FREM3: variants seen among roughly 807,000 people sequenced by gnomAD.
The protein encoded by FREM3 is FRAS1-related extracellular matrix protein 3.
FREM3 carries 105 observed loss-of-function variants against 129.1 expected under a neutral mutation model. The observed-to-expected ratio is 0.81, with a 90% CI of 0.69 to 0.96. FREM3 has a LOEUF of 0.96. Among genes scored for constraint, FREM3 ranks in the 40% least tolerant of loss-of-function variants. The pLI, the probability that FREM3 is intolerant of heterozygous loss-of-function variation, is 0.00. For missense variants in FREM3, 2,593 were observed against 2,666.3 expected, an observed-to-expected ratio of 0.97 and a Z score of 0.61; for synonymous variants, 1,014 against 1,044.9, an observed-to-expected ratio of 0.97 and a Z score of 0.57.
At chr4:143,608,420 G>T (rs971142127) in intron 6 of FREM3, among the ~76,000 whole-genome samples, 3 of 152,144 alleles carry the variant, frequency 2.0e-5, no homozygotes, top group Non-Finnish European at 4.4e-5. Flanking sequence ...TAAATTGCTT[G>T]TTTAGATCTA....
In FREM3 at chr4:143,700,612, G is replaced by A. The variant is rs1346567873; in HGVS notation, c.64C>T (p.Leu22=). 6 of 1,457,282 alleles carry A rather than the reference G, an allele frequency of 4.1e-6. No homozygotes were observed. In the African/African-American group the frequency reaches 8.6e-5, roughly 21 times the overall value. 90.3% of individuals were successfully genotyped at this position (1,457,282 alleles called of 1,614,324 possible). A position where few individuals can be genotyped will look rare whatever the true frequency, so the allele number is the denominator to read the frequency against. The stretch of plus-strand genomic sequence containing the variant: ...TGCAGCGCGGGGCGACTCAAGAGCA[G>A]GCAGGCGAGCGCCACAAGGAGCTGC... ...PRQLLVALAC[L]LLSRPALQGR... The change falls in exon 1 of 8, where the codon CTG becomes TTG. Residue 22 remains leucine, a synonymous_variant. Transcript: ENST00000329798.
At chr4:143,690,759 A>G (rs1740451004) in intron 2 of FREM3, among the ~76,000 whole-genome samples, 1 of 152,214 alleles carries the variant, frequency 6.6e-6, no homozygotes, top group Admixed American at 6.5e-5. Flanking sequence ...ACAGATAAAA[A>G]AATGTTTAAA....
In FREM3 at chr4:143,696,039, G is replaced by A; in HGVS notation, c.4637C>T (p.Thr1546Ile). The A allele has an allele frequency of 6.5e-7, 1 of 1,537,840 alleles. No individual in the cohort carries two copies. Among genetic ancestry groups the A allele is most frequent in the Non-Finnish European group, 8.7e-7 (1 of 1,147,034 alleles). The change falls in exon 1 of 8, where the codon ACA becomes ATA. Residue 1546 changes from threonine to isoleucine, a missense_variant. Thr to Ile is a moderately conservative substitution (Grantham distance 89). Around this residue, in one of 2 missense-constraint regions of FREM3, gnomAD observed 2,276 missense variants for 2,267.2 expected, o/e 1.00. Coordinates refer to ENST00000329798, the MANE Select transcript of FREM3 (RefSeq NM_001168235.2). ...CAGTTGGCTATCCTCTTTCTGTAGTGTTAGTCTATGGATGGTCAAGATAGG... is the reference window on the plus strand; with the variant it reads ...CAGTTGGCTATCCTCTTTCTGTAGTATTAGTCTATGGATGGTCAAGATAGG... ...KKPILTIHRLTLQKEDSQLIT... is the reference protein window; with the variant it reads ...KKPILTIHRLILQKEDSQLIT...
rs1483680345 is a variant in FREM3, at chr4:143,653,827, A to C, written c.5276-26067T>G. Among the ~76,000 whole-genome samples the C allele has an allele frequency of 2.0e-5, 3 of 152,220 alleles. No individual in the cohort carries two copies. In the East Asian group the frequency reaches 5.8e-4, roughly 29 times the overall value. ...TGGGCCCAGATTTGTATTTTCAAAAAACTTCCCAGGTAATGTAATTATACA... is the reference window on the plus strand; with the variant it reads ...TGGGCCCAGATTTGTATTTTCAAAACACTTCCCAGGTAATGTAATTATACA... On this transcript the variant is annotated intron_variant, in intron 2 of 7. Transcript: ENST00000329798.
At chr4:143,694,528 T>A (rs943569628) in intron 1 of FREM3, among the ~76,000 whole-genome samples, 1 of 152,228 alleles carries the variant, frequency 6.6e-6, no homozygotes, top group Non-Finnish European at 1.5e-5. Context: ...CTTTCAGGGG[T>A]GTTTGTTTAT....
At chr4:143,661,787 G>A (rs888644436) in intron 2 of FREM3, among the ~76,000 whole-genome samples, 3 of 152,126 alleles carry the variant, frequency 2.0e-5, no homozygotes, top group African/African-American at 7.2e-5. Context: ...GGTCTATTTA[G>A]AGATTCAACT....
At chr4:143,684,029 A>G (rs1216010509) in intron 2 of FREM3, among the ~76,000 whole-genome samples, 1 of 152,080 alleles carries the variant, frequency 6.6e-6, no homozygotes, top group African/African-American at 2.4e-5. Context: ...CTGAGCTTTG[A>G]CACACCTAGC....
intron 2 of FREM3, among the ~76,000 whole-genome samples, chr4:143,666,021 T>A (rs1739852441): frequency 1.3e-5 from 2 of 152,162 alleles, no homozygotes; most frequent in Admixed American, 6.6e-5. Context: ...CTTCTAAGAT[T>A]ATGCAAAGTC....
chr4:143,596,802 G>T (rs1468185279), intron 6 of FREM3, among the ~76,000 whole-genome samples: 1 of 152,060 alleles, frequency 6.6e-6, no homozygotes, highest in African/African-American at 2.4e-5. Context: ...AGCTGGGTGT[G>T]GTGCATATGC....
chr4:143,622,091 C>CTTT (rs35974796), intron 4 of FREM3, among the ~76,000 whole-genome samples: 1 of 137,376 alleles, frequency 7.3e-6, no homozygotes, highest in Non-Finnish European at 1.6e-5. Context: ...AGGCAATCAC[C>CTTT]TTTTTTTTTT....
intron 2 of FREM3, among the ~76,000 whole-genome samples, chr4:143,676,919 C>T (rs1253491809): frequency 6.6e-6 from 1 of 152,150 alleles, no homozygotes; most frequent in South Asian, 2.1e-4. Context: ...AAGAACATTC[C>T]ATGGTCATGA....
intron 5 of FREM3, among the ~76,000 whole-genome samples, chr4:143,617,220 G>A (rs888249279): frequency 3.9e-5 from 6 of 152,080 alleles, no homozygotes; most frequent in African/African-American, 1.4e-4. Flanking sequence ...AGAGTTTTCA[G>A]TTGGGCTGAT....
At chr4:143,655,840 C>T (rs2149850315) in intron 2 of FREM3, among the ~76,000 whole-genome samples, 1 of 152,264 alleles carries the variant, frequency 6.6e-6, no homozygotes, top group African/African-American at 2.4e-5. Flanking sequence ...ACAGCAATAG[C>T]TTAAAAATTC....
intron 2 of FREM3, among the ~76,000 whole-genome samples, chr4:143,630,019 A>G (rs1400782692): frequency 6.6e-6 from 1 of 152,146 alleles, no homozygotes; most frequent in African/African-American, 2.4e-5. Flanking sequence ...CCAGATTCCA[A>G]ACAGCTAATT....
At chr4:143,617,337 G>C (rs1738870447) in intron 5 of FREM3, among the ~76,000 whole-genome samples, 1 of 152,090 alleles carries the variant, frequency 6.6e-6, no homozygotes, top group Non-Finnish European at 1.5e-5. Context: ...AGTATATAGA[G>C]ACCAGGGATG....
intron 5 of FREM3, among the ~76,000 whole-genome samples, chr4:143,617,596 A>G (rs1738874802): frequency 6.6e-6 from 1 of 152,176 alleles, no homozygotes; most frequent in South Asian, 2.1e-4. Flanking sequence ...CTTATTGCCT[A>G]TTCTTTAACT....
At position 143,698,447 on chromosome 4, in the gene FREM3, G is replaced by A. The variant is rs1740623488; in HGVS notation, c.2229C>T (p.Thr743=). ...CTGTGTCAGTCGGGAGTGTCAGTAG[G>A]GTGTACCATAGGTTCTGGTCATCAG... The part of the protein sequence containing the change: ...QDSDDQNLWY[T]LLTLPTDTDG... The change falls in exon 1 of 8, where the codon ACC becomes ACT. Residue 743 remains threonine, a synonymous_variant. Coordinates refer to ENST00000329798, the MANE Select transcript of FREM3 (RefSeq NM_001168235.2). 1.3e-6 allele frequency: 2 copies of A among 1,537,716 alleles called. No individual in the cohort carries two copies. The highest frequency in any genetic ancestry group is 1.7e-6 in the Non-Finnish European group (2 of 1,147,058).
At chr4:143,591,739 G>A (rs1738366799) in intron 6 of FREM3, among the ~76,000 whole-genome samples, 1 of 152,308 alleles carries the variant, frequency 6.6e-6, no homozygotes, top group African/African-American at 2.4e-5. Flanking sequence ...GGAGAGTTCT[G>A]TAGATGTCTA....
chr4:143,623,507 C>G (rs978787519), intron 4 of FREM3, among the ~76,000 whole-genome samples: 14 of 100,010 alleles, frequency 1.4e-4, no homozygotes, highest in African/African-American at 4.4e-4. Flanking sequence ...CCCCCCCCCC[C>G]ACCATTTAGG....
Sources: gnomAD v4.1 joint callset for allele counts (sites outside exome capture counted in the v4.1 genomes callset) on GRCh38, gnomAD v4.1.1 for gene constraint, gnomAD v4.1.1 regional missense constraint, MANE v1.5 for transcripts, NCBI Gene and HGNC (gene_info 2026-07-23, HGNC 2026-07-21) for gene names.